CDH22: variants seen among roughly 807,000 people sequenced by gnomAD.
CDH22 encodes the protein cadherin-22.
In CDH22, 30 loss-of-function variants were observed where a neutral mutation model predicts 58.4. That is an observed-to-expected ratio of 0.51 (90% CI 0.38 to 0.70). The LOEUF (loss-of-function observed/expected upper bound fraction) is 0.70, where lower values mean the gene tolerates loss of function less well. Ranked by LOEUF, CDH22 falls within the 30% of genes least tolerant of loss-of-function variation. The pLI, the probability that CDH22 is intolerant of heterozygous loss-of-function variation, is 0.00. For synonymous variants in CDH22, 513 were observed against 558.2 expected (o/e 0.92, Z 1.14); for missense variants, 1,014 against 1,233.9 (o/e 0.82, Z 2.67).
chr20:46,261,339 G>C (rs2086432124), intron 1 of CDH22, among the ~76,000 whole-genome samples: 1 of 152,220 alleles, frequency 6.6e-6, no homozygotes, highest in South Asian at 2.1e-4. Context: ...GCCAGGCGAG[G>C]AGAGTTTAGA....
At chr20:46,213,567 G>T (rs1206535125) in intron 5 of CDH22, among the ~76,000 whole-genome samples, 1 of 152,286 alleles carries the variant, frequency 6.6e-6, no homozygotes, top group East Asian at 1.9e-4. Context: ...TCTGTAAAAT[G>T]GAAATAAATA....
intron 8 of CDH22, among the ~76,000 whole-genome samples, chr20:46,195,614 A>ACCCCCCCC (rs113226361): frequency 5.5e-4 from 58 of 105,796 alleles, no homozygotes; most frequent in African/African-American, 7.1e-4. Context: ...TCTCCCCTAG[A>ACCCCCCCC]CCCCCCCCCC....
chr20:46,201,167 C>T (rs1010721177), intron 7 of CDH22, among the ~76,000 whole-genome samples: 1 of 152,238 alleles, frequency 6.6e-6, no homozygotes, highest in Non-Finnish European at 1.5e-5. Context: ...CGAGGCTGCG[C>T]GCGGACAAAG....
At chr20:46,207,982 C>A (rs984305180) in intron 7 of CDH22, among the ~76,000 whole-genome samples, 1 of 152,228 alleles carries the variant, frequency 6.6e-6, no homozygotes, top group Non-Finnish European at 1.5e-5. Flanking sequence ...GTGCACTGCA[C>A]AATCCTGATA....
chr20:46,195,303 C>T (rs1289502129), intron 8 of CDH22, among the ~76,000 whole-genome samples: 1 of 152,214 alleles, frequency 6.6e-6, no homozygotes, highest in African/African-American at 2.4e-5. Flanking sequence ...ATAGACTGGG[C>T]CCTGCCCTCA....
At chr20:46,268,624 C>T (rs1600722313) in intron 1 of CDH22, among the ~76,000 whole-genome samples, 1 of 152,336 alleles carries the variant, frequency 6.6e-6, no homozygotes, top group East Asian at 1.9e-4. Context: ...AGGCTTCAGG[C>T]TGGAGCCTCC....
chr20:46,291,628 C>T (rs1275680008), intron 1 of CDH22, among the ~76,000 whole-genome samples: 1 of 152,246 alleles, frequency 6.6e-6, no homozygotes, highest in African/African-American at 2.4e-5. Flanking sequence ...CTTGTTACGG[C>T]CCCTGCTGCA....
rs117526920 is a variant in CDH22, at chr20:46,204,349, G to A, written c.1287-4790C>T. ...GCAGAGATTGCAGTGAGCCAAGATC[G>A]CGCCATTGCACTCTGGCTGGGGAGA... On this transcript the variant is annotated intron_variant, in intron 7 of 11. Coordinates refer to ENST00000537909, the MANE Select transcript of CDH22 (RefSeq NM_021248.3). Among the ~76,000 whole-genome samples the A allele has an allele frequency of 3.3e-3, 486 of 145,928 alleles. 3 individuals are homozygous for A. The highest frequency in any genetic ancestry group is 7.0e-3 in the Middle Eastern group (2 of 284).
At chr20:46,288,321 T>C (rs995734405) in intron 1 of CDH22, among the ~76,000 whole-genome samples, 7 of 152,158 alleles carry the variant, frequency 4.6e-5, no homozygotes, top group Non-Finnish European at 8.8e-5. Flanking sequence ...CTGTACCTCA[T>C]AGAGCTCTTG....
intron 10 of CDH22, among the ~76,000 whole-genome samples, chr20:46,178,586 C>CTTTTTTTTTTTTTTTTTTTTT (rs33937889): frequency 6.3e-5 from 6 of 95,338 alleles, no homozygotes; most frequent in South Asian, 3.9e-4. Flanking sequence ...CTGGCGTTGT[C>CTTTTTTTTTTTTTTTTTTTTT]TTTTTTTTTT....
chr20:46,251,163 C>G lies in CDH22; in HGVS notation c.132G>C (p.Pro44=). 1 of 1,585,766 alleles carries G rather than the reference C, an allele frequency of 6.3e-7. No homozygotes were observed. Among genetic ancestry groups the G allele is most frequent in the South Asian group, 1.1e-5 (1 of 89,196 alleles). ...CGTCCTGCCGAGCTCCGGGCGCCGA[C>G]GGCGAGGGTGTGCCCGCTGCCCACA... ...GRLWAAGTPS[P]SAPGARQDGA... The change falls in exon 2 of 12, where the codon CCG becomes CCC. Residue 44 remains proline, a synonymous_variant. Coordinates refer to ENST00000537909, the MANE Select transcript of CDH22 (RefSeq NM_021248.3). This position sits in a 1 kb window ranked among gnomAD's most constrained non-coding sequence, Gnocchi z 6.7.
At chr20:46,217,056 C>G in intron 4 of CDH22, 63 bp from the exon 5 acceptor site, 2 of 1,504,656 alleles carry the variant, frequency 1.3e-6, no homozygotes, top group Non-Finnish European at 1.8e-6. Context: ...TGTGGAGACC[C>G]CTGTACAGGC....
chr20:46,227,508 C>G lies in CDH22; in HGVS notation c.670G>C (p.Gly224Arg). 1 of 1,599,020 alleles carries G rather than the reference C, an allele frequency of 6.3e-7. No homozygotes were observed. ...CCTCTGGCCCCGCCCTGCCCCTCAC[C>G]GGTCTTGGGGTCCACGGTGAAGTGG... ...EHHFTVDPKT[G>R]VIRTAVPDLD... The change falls in exon 4 of 12, where the codon GGC becomes CGC. Residue 224 changes from glycine to arginine, a missense_variant and splice_region_variant. Physicochemically the swap from Gly to Arg is moderately radical, Grantham distance 125 (BLOSUM62 -2). Around this residue, in one of 2 missense-constraint regions of CDH22, gnomAD observed 806 missense variants for 1,038.7 expected, o/e 0.78. Coordinates refer to ENST00000537909, the MANE Select transcript of CDH22 (RefSeq NM_021248.3).
intron 8 of CDH22, among the ~76,000 whole-genome samples, chr20:46,193,874 C>T (rs1320735215): frequency 6.6e-6 from 1 of 152,110 alleles, no homozygotes; most frequent in Non-Finnish European, 1.5e-5. Flanking sequence ...GTCCTCTTGG[C>T]CAGGTGCTGG....
intron 1 of CDH22, among the ~76,000 whole-genome samples, chr20:46,266,183 A>G (rs1029580842): frequency 5.3e-5 from 8 of 152,108 alleles, no homozygotes; most frequent in Non-Finnish European, 1.2e-4. Flanking sequence ...CTTTGTCCTC[A>G]CACATCCTGT....
intron 7 of CDH22, among the ~76,000 whole-genome samples, chr20:46,203,684 T>C (rs2085978053): frequency 6.6e-6 from 1 of 152,182 alleles, no homozygotes; most frequent in Non-Finnish European, 1.5e-5. Context: ...CTATTGTCAC[T>C]GTAATTATTA....
chr20:46,224,796 CT>C (rs1361460368), intron 4 of CDH22, among the ~76,000 whole-genome samples: 2 of 152,222 alleles, frequency 1.3e-5, no homozygotes, highest in Non-Finnish European at 2.9e-5. Context: ...CTGCCACCCC[CT>C]ATTCTCTCTT....
At chr20:46,262,053 C>T (rs1196221302) in intron 1 of CDH22, among the ~76,000 whole-genome samples, 1 of 152,152 alleles carries the variant, frequency 6.6e-6, no homozygotes. Flanking sequence ...AAGGACAGCT[C>T]CCTACACATA....
At chr20:46,304,414 T>C (rs1439454671) in intron 1 of CDH22, among the ~76,000 whole-genome samples, 2 of 152,216 alleles carry the variant, frequency 1.3e-5, no homozygotes, top group Non-Finnish European at 2.9e-5. Flanking sequence ...TACATTTTCC[T>C]CCATTTCACA....
Sources: gnomAD v4.1 joint callset for allele counts (sites outside exome capture counted in the v4.1 genomes callset) on GRCh38, gnomAD v4.1.1 for gene constraint, gnomAD v4.1.1 regional missense constraint, Gnocchi (gnomAD v3.1) non-coding constraint, MANE v1.5 for transcripts, NCBI Gene and HGNC (gene_info 2026-07-23, HGNC 2026-07-21) for gene names.